Variants in NSMCE2 observed in about 807,000 individuals in gnomAD.
NSMCE2 encodes E3 SUMO-protein ligase NSE2.
NSMCE2 carries 24 observed loss-of-function variants against 23.8 expected under a neutral mutation model. The observed-to-expected ratio is 1.01, with a 90% confidence interval of 0.73 to 1.42. The LOEUF (loss-of-function observed/expected upper bound fraction) is 1.42. Ranked by LOEUF, NSMCE2 falls within the 40% of genes most tolerant of loss-of-function variation. The pLI is 0.00. For missense variants in NSMCE2, 284 were observed against 296.5 expected, an observed-to-expected ratio of 0.96 and a Z score of 0.31; for synonymous variants, 92 against 94.1, an observed-to-expected ratio of 0.98 and a Z score of 0.13.
At chr8:125,302,245 C>G (rs189053293) in intron 5 of NSMCE2, among the ~76,000 whole-genome samples, 1 of 152,380 alleles carries the variant, frequency 6.6e-6, no homozygotes, top group East Asian at 1.9e-4. Context: ...GCATGAGCCA[C>G]CACGCCAGGT....
At chr8:125,112,058 G>A (rs1350794385) in intron 3 of NSMCE2, among the ~76,000 whole-genome samples, 1 of 152,162 alleles carries the variant, frequency 6.6e-6, no homozygotes, top group Non-Finnish European at 1.5e-5. Flanking sequence ...GTGGTTTCTA[G>A]TGGTGAGTGG....
At chr8:125,315,171 A>G (rs1241813846) in intron 5 of NSMCE2, among the ~76,000 whole-genome samples, 1 of 151,936 alleles carries the variant, frequency 6.6e-6, no homozygotes, top group African/African-American at 2.4e-5. Flanking sequence ...GAGAGGAGTT[A>G]CAGGGATAGA....
At chr8:125,365,935 C>T (rs1813769721) in intron 7 of NSMCE2, among the ~76,000 whole-genome samples, 1 of 152,188 alleles carries the variant, frequency 6.6e-6, no homozygotes, top group South Asian at 2.1e-4. Context: ...TGCTCTCCCT[C>T]TTGCCTGGGT....
intron 5 of NSMCE2, among the ~76,000 whole-genome samples, chr8:125,188,956 G>A (rs748148697): frequency 1.3e-4 from 20 of 152,316 alleles, no homozygotes; most frequent in Non-Finnish European, 2.4e-4. Flanking sequence ...GAAGACAGAT[G>A]AGAAGTAAAC....
At chr8:125,133,782 CAAAAA>C (rs752957798) in intron 3 of NSMCE2, among the ~76,000 whole-genome samples, 1 of 145,590 alleles carries the variant, frequency 6.9e-6, no homozygotes, top group Non-Finnish European at 1.5e-5. Context: ...AAAACCAAAA[CAAAAA>C]AAAAGAAAAA....
intron 5 of NSMCE2, among the ~76,000 whole-genome samples, chr8:125,231,390 C>A (rs1164424584): frequency 6.6e-6 from 1 of 152,142 alleles, no homozygotes; most frequent in Non-Finnish European, 1.5e-5. Flanking sequence ...GCAGTTATTG[C>A]AAGAACAAAG....
chr8:125,225,163 A>C (rs1825038903), intron 5 of NSMCE2, among the ~76,000 whole-genome samples: 1 of 152,202 alleles, frequency 6.6e-6, no homozygotes, highest in Admixed American at 6.5e-5. Context: ...TTGAGAACTT[A>C]ATGTTTTTAC....
intron 5 of NSMCE2, among the ~76,000 whole-genome samples, chr8:125,316,779 CTCTT>C (rs1191664276): frequency 2.1e-4 from 29 of 140,784 alleles, no homozygotes; most frequent in South Asian, 4.5e-4. Flanking sequence ...TTCTCTCTCT[CTCTT>C]TCTTTCTTTC....
intron 3 of NSMCE2, among the ~76,000 whole-genome samples, chr8:125,150,426 C>CTTT (rs71295819): frequency 0.013 from 805 of 61,968 alleles, 8 homozygotes; most frequent in African/African-American, 0.016. Flanking sequence ...TTCTTTCTTT[C>CTTT]TTTTTTTTTT....
chr8:125,345,956 G>A (rs909148677), intron 5 of NSMCE2, among the ~76,000 whole-genome samples: 1 of 152,194 alleles, frequency 6.6e-6, no homozygotes, highest in African/African-American at 2.4e-5. Context: ...AGGAATTCGA[G>A]ACCAGCCTGC....
intron 4 of NSMCE2, among the ~76,000 whole-genome samples, chr8:125,152,058 G>C (rs146841844): frequency 0.01 from 1,536 of 152,286 alleles, 7 homozygotes; most frequent in South Asian, 0.02. Flanking sequence ...TTACTCAGTA[G>C]AAGATACATT....
chr8:125,266,273 T>C (rs1305342537), intron 5 of NSMCE2, among the ~76,000 whole-genome samples: 1 of 152,178 alleles, frequency 6.6e-6, no homozygotes. Flanking sequence ...GTGTTTTTAG[T>C]AGAGATGGGG....
intron 5 of NSMCE2, among the ~76,000 whole-genome samples, chr8:125,314,433 G>T (rs1829095580): frequency 6.6e-6 from 1 of 152,138 alleles, no homozygotes; most frequent in African/African-American, 2.4e-5. Flanking sequence ...GGGGTTATAG[G>T]CACCCACCAC....
chr8:125,354,221 C>T (rs1056923505), intron 5 of NSMCE2, among the ~76,000 whole-genome samples: 3 of 152,012 alleles, frequency 2.0e-5, no homozygotes, highest in African/African-American at 4.8e-5. Context: ...CGTGAGCCAC[C>T]GCACCCAACC....
At chr8:125,309,137 C>T (rs918078381) in intron 5 of NSMCE2, among the ~76,000 whole-genome samples, 1 of 151,506 alleles carries the variant, frequency 6.6e-6, no homozygotes. Flanking sequence ...ATACCACCTA[C>T]TCAGGAGGCT....
At chr8:125,332,497 T>C (rs1829917147) in intron 5 of NSMCE2, among the ~76,000 whole-genome samples, 1 of 152,248 alleles carries the variant, frequency 6.6e-6, no homozygotes, top group South Asian at 2.1e-4. Context: ...GCAATGCCTA[T>C]AAAATAGTTA....
At chr8:125,288,781 T>C (rs1287112926) in intron 5 of NSMCE2, among the ~76,000 whole-genome samples, 1 of 152,164 alleles carries the variant, frequency 6.6e-6, no homozygotes, top group African/African-American at 2.4e-5. Context: ...TTCCCCAGTC[T>C]TTATTTTTTA....
At chr8:125,124,492 C>G (rs1352680249) in intron 3 of NSMCE2, among the ~76,000 whole-genome samples, 1 of 151,932 alleles carries the variant, frequency 6.6e-6, no homozygotes, top group Non-Finnish European at 1.5e-5. Context: ...CTCTCTCTCT[C>G]TCTCTCAACA....
intron 3 of NSMCE2, among the ~76,000 whole-genome samples, chr8:125,113,133 T>C (rs1235363634): frequency 2.6e-5 from 4 of 151,836 alleles, no homozygotes; most frequent in Non-Finnish European, 5.9e-5. Context: ...TTTGCTGATA[T>C]CTTTGTGTTT....
Sources: gnomAD v4.1 joint callset for allele counts (sites outside exome capture counted in the v4.1 genomes callset) on GRCh38, gnomAD v4.1.1 for gene constraint, MANE v1.5 for transcripts, NCBI Gene and HGNC (gene_info 2026-07-23, HGNC 2026-07-21) for gene names.